Variants in SLCO1C1 observed in about 807,000 individuals in gnomAD.
SLCO1C1 encodes solute carrier organic anion transporter family member 1C1, also known as OAT-RP-5.
In SLCO1C1, 70 loss-of-function variants were observed where a neutral mutation model predicts 76.4. That is an observed-to-expected ratio of 0.92 (90% CI 0.76 to 1.12). The LOEUF is 1.12. SLCO1C1 is among the 50% of genes most tolerant of loss of function. The pLI is 0.00. For missense variants in SLCO1C1, 912 were observed against 823.8 expected (o/e 1.11, Z -1.31); for synonymous variants, 306 against 286.1 (o/e 1.07, Z -0.70).
In SLCO1C1 at chr12:20,712,918, T is replaced by C. The variant is rs546218269; in HGVS notation, c.529+1408T>C. Reference sequence around the variant, plus strand: ...AGAATATGAAAGGGGGTAATAGATATGTTCAGGAGGATGCATTCAAATCAA... The same window carrying C: ...AGAATATGAAAGGGGGTAATAGATACGTTCAGGAGGATGCATTCAAATCAA... On this transcript the variant is annotated intron_variant, in intron 5 of 14. Transcript: ENST00000266509. Among the ~76,000 whole-genome samples the C allele has an allele frequency of 2.5e-4, 38 of 152,260 alleles. 1 individual carries two copies. The South Asian group carries it at 7.7e-3, about 31-fold the overall frequency.
intron 10 of SLCO1C1, among the ~76,000 whole-genome samples, chr12:20,733,979 T>C (rs1324515595): frequency 6.6e-6 from 1 of 152,174 alleles, no homozygotes; most frequent in Non-Finnish European, 1.5e-5. Context: ...AAAAAAATTA[T>C]CGAGTCTCCA....
chr12:20,748,982 G>T (rs1379465425), intron 13 of SLCO1C1, among the ~76,000 whole-genome samples: 1 of 152,082 alleles, frequency 6.6e-6, no homozygotes, highest in African/African-American at 2.4e-5. Context: ...GACACTTCGA[G>T]ATTATGTCAC....
intron 2 of SLCO1C1, among the ~76,000 whole-genome samples, 156 bp from the exon 3 acceptor site, chr12:20,701,161 AC>A (rs1946506022): frequency 6.6e-6 from 1 of 152,122 alleles, no homozygotes; most frequent in South Asian, 2.1e-4. Context: ...GCTGATGGAA[AC>A]CTCGAACAGT....
chr12:20,715,970 G>A (rs988812294), intron 6 of SLCO1C1, among the ~76,000 whole-genome samples: 11 of 152,132 alleles, frequency 7.2e-5, no homozygotes, highest in Admixed American at 2.0e-4. Flanking sequence ...AGAAATACAC[G>A]TCAGTCTCTC....
Position 20,699,581 on chromosome 12 carries a change from A to T in SLCO1C1, c.5A>T (p.Asp2Val). M[D>V]TSSKENIQLF... The stretch of plus-strand genomic sequence containing the variant: ...GAGTCAAGGAATGTGTTTATAATGG[A>T]CACTTCATCCAAAGAAAATATCCAG... Residue 2 changes from aspartate to valine, a missense_variant, in exon 2 of 15, where the codon GAC (aspartate) becomes GTC (valine). Transcript: ENST00000266509. 6.2e-7 allele frequency: 1 copy of T among 1,610,212 alleles called. No homozygotes were observed. The highest frequency in any genetic ancestry group is 8.5e-7 in the Non-Finnish European group (1 of 1,178,330).
intron 11 of SLCO1C1, among the ~76,000 whole-genome samples, chr12:20,737,762 C>T (rs551164429): frequency 1.3e-5 from 2 of 151,880 alleles, no homozygotes; most frequent in East Asian, 1.9e-4. Context: ...GAAAATCAAG[C>T]CAATTTGTAT....
At chr12:20,744,846 A>G (rs1190883925) in intron 13 of SLCO1C1, among the ~76,000 whole-genome samples, 1 of 152,184 alleles carries the variant, frequency 6.6e-6, no homozygotes, top group Non-Finnish European at 1.5e-5. Context: ...GTGACTTTTT[A>G]TAATAGCAAA....
At chr12:20,740,390 T>C (rs1173928008) in intron 12 of SLCO1C1, 22 bp downstream of exon 12, 12 of 1,584,302 alleles carry the variant, frequency 7.6e-6, no homozygotes, top group Non-Finnish European at 1.0e-5. Context: ...TTCTCCCTAT[T>C]CTAATTTTAA....
At chr12:20,704,004 AAG>A (rs1443389202) in intron 3 of SLCO1C1, among the ~76,000 whole-genome samples, 26 of 146,124 alleles carry the variant, frequency 1.8e-4, no homozygotes, top group African/African-American at 5.9e-4. Context: ...CAGACAGAAA[AAG>A]AGAGGAGAGC....
At chr12:20,698,891 G>T (rs536927929) in intron 1 of SLCO1C1, among the ~76,000 whole-genome samples, 2 of 151,968 alleles carry the variant, frequency 1.3e-5, no homozygotes, top group Non-Finnish European at 2.9e-5. Context: ...TGTGAGGGGC[G>T]GTGGGAAATT....
chr12:20,709,338 A>G (rs556284192), intron 4 of SLCO1C1, among the ~76,000 whole-genome samples: 2 of 152,320 alleles, frequency 1.3e-5, no homozygotes, highest in African/African-American at 4.8e-5. Flanking sequence ...AATTAGTAAC[A>G]AAAGTGGCTC....
chr12:20,746,018 G>A (rs1010192824), intron 13 of SLCO1C1, among the ~76,000 whole-genome samples: 3 of 152,006 alleles, frequency 2.0e-5, no homozygotes, highest in African/African-American at 7.2e-5. Context: ...ATATAATCTC[G>A]CAGTAAAAGC....
intron 9 of SLCO1C1, among the ~76,000 whole-genome samples, chr12:20,724,893 T>C (rs1947886230): frequency 6.9e-6 from 1 of 145,332 alleles, no homozygotes; most frequent in African/African-American, 2.5e-5. Context: ...ACTATGAAAA[T>C]AATTATACAT....
intron 13 of SLCO1C1, among the ~76,000 whole-genome samples, chr12:20,748,290 C>G (rs1462949641): frequency 1.3e-5 from 2 of 152,128 alleles, no homozygotes; most frequent in East Asian, 1.9e-4. Flanking sequence ...CAATGAATAA[C>G]TGTATAACTT....
chr12:20,695,974 G>T (rs1299201475), intron 1 of SLCO1C1, among the ~76,000 whole-genome samples, 167 bp downstream of exon 1: 1 of 152,080 alleles, frequency 6.6e-6, no homozygotes, highest in East Asian at 1.9e-4. Flanking sequence ...ATTGGTTAAA[G>T]AAATCAGATA....
rs573794066 is a variant in SLCO1C1, at chr12:20,717,121, T to G, written c.677-11T>G. 94 of 1,590,326 alleles carry G rather than the reference T, an allele frequency of 5.9e-5. No homozygotes were observed. Among genetic ancestry groups the G allele is most frequent in the Non-Finnish European group, 7.2e-5 (84 of 1,171,816 alleles). ...CAGCTTTTTTTTTTTCCTTTTCTTT[T>G]CTTGGTGCAGGGTGTGTGCAGACGG... On this transcript the variant is annotated splice_polypyrimidine_tract_variant and intron_variant, in intron 6 of 14. Transcript: ENST00000266509.
intron 13 of SLCO1C1, among the ~76,000 whole-genome samples, chr12:20,746,381 CTTCTA>C (rs1247073952): frequency 1.3e-5 from 2 of 152,052 alleles, no homozygotes; most frequent in Admixed American, 1.3e-4. Context: ...TCCTGCCTTT[CTTCTA>C]TTAACTGTAT....
At chr12:20,747,562 T>C (rs1408691843) in intron 13 of SLCO1C1, among the ~76,000 whole-genome samples, 2 of 152,170 alleles carry the variant, frequency 1.3e-5, no homozygotes, top group Non-Finnish European at 2.9e-5. Context: ...TTGAAAATGT[T>C]CTATTATAAT....
intron 3 of SLCO1C1, among the ~76,000 whole-genome samples, chr12:20,704,900 A>G (rs1946702047): frequency 6.6e-6 from 1 of 151,970 alleles, no homozygotes; most frequent in Admixed American, 6.6e-5. Flanking sequence ...AAAGCTTTAA[A>G]GCCCCTTGAA....
Sources: allele counts gnomAD v4.1 joint callset (sites outside exome capture counted in the v4.1 genomes callset), GRCh38; gene constraint gnomAD v4.1.1; transcripts MANE v1.5; gene names NCBI Gene and HGNC (gene_info 2026-07-23, HGNC 2026-07-21).